Variants in LARGE1 observed in about 807,000 individuals in gnomAD.
The protein encoded by LARGE1 is LARGE xylosyl- and glucuronyltransferase 1.
LARGE1 carries 43 observed loss-of-function variants against 87.6 expected under a neutral mutation model. The observed-to-expected ratio is 0.49, with a 90% CI of 0.38 to 0.63. LARGE1 has a LOEUF of 0.63. LARGE1 is among the 30% of genes least tolerant of loss of function. The pLI is 0.00. For missense variants in LARGE1, 802 were observed against 1,000.2 expected (o/e 0.80, Z 2.67); for synonymous variants, 434 against 394.6 (o/e 1.10, Z -1.18).
At chr22:33,249,609 T>C (rs550548829) in intron 11 of LARGE1, among the ~76,000 whole-genome samples, 1 of 152,314 alleles carries the variant, frequency 6.6e-6, no homozygotes, top group Admixed American at 6.5e-5. Flanking sequence ...CTAAAAGTCA[T>C]TACTATACCC....
intron 11 of LARGE1, among the ~76,000 whole-genome samples, chr22:33,227,806 G>C (rs181884052): frequency 1.7e-4 from 26 of 152,252 alleles, no homozygotes; most frequent in Admixed American, 7.2e-4. Context: ...AATTTGTCAT[G>C]GTTCTAATTA....
At chr22:33,330,859 T>C (rs558134727) in intron 10 of LARGE1, among the ~76,000 whole-genome samples, 119 of 152,286 alleles carry the variant, frequency 7.8e-4, no homozygotes, top group African/African-American at 2.3e-3. Flanking sequence ...TATTTTTATT[T>C]TGGCAGCAAG....
At chr22:33,092,301 A>C in the LARGE1 span, among the ~76,000 whole-genome samples, 2 of 151,348 alleles carry the variant, frequency 1.3e-5, no homozygotes, top group Non-Finnish European at 2.9e-5. Flanking sequence ...GAGAAATTTC[A>C]TTGGCTGCAG....
chr22:33,907,569 CT>C (rs34936785), intron 1 of LARGE1, among the ~76,000 whole-genome samples: 106 of 145,938 alleles, frequency 7.3e-4, no homozygotes, highest in Non-Finnish European at 6.7e-4. Flanking sequence ...GAAGACATTT[CT>C]TTTTTTTTTT....
Position 33,684,705 on chromosome 22 carries a change from A to C in LARGE1, c.107-34037T>G, listed in dbSNP as rs189490389. Among the ~76,000 whole-genome samples the C allele has an allele frequency of 3.2e-3, 489 of 152,282 alleles. 2 individuals carry two copies. The highest frequency in any genetic ancestry group is 3.8e-3 in the Non-Finnish European group (261 of 68,018). On this transcript the variant is annotated intron_variant, in intron 2 of 14. Transcript: ENST00000397394. ...CGCCAAGCCAGCCAGGGTGGAGCTA[A>C]GAAGCTGAGAACTCATTCTAAAGCT...
intron 1 of LARGE1, among the ~76,000 whole-genome samples, chr22:33,816,995 G>A (rs1247516092): frequency 6.6e-6 from 1 of 151,992 alleles, no homozygotes; most frequent in Non-Finnish European, 1.5e-5. Context: ...GGGAAGTCGG[G>A]GTGGAGGGGT....
At chr22:33,444,236 G>A (rs2067601382) in intron 6 of LARGE1, among the ~76,000 whole-genome samples, 2 of 152,170 alleles carry the variant, frequency 1.3e-5, no homozygotes, top group Admixed American at 1.3e-4. Flanking sequence ...GTGGATAACA[G>A]TAAAACTCAT....
downstream of LARGE1, among the ~76,000 whole-genome samples, chr22:33,269,873 C>T (rs567745325): frequency 8.6e-5 from 13 of 151,738 alleles, no homozygotes; most frequent in East Asian, 1.9e-4. Context: ...GGCGTGGTGG[C>T]GGGCGCCTGT....
chr22:33,501,873 A>C (rs1260259178), intron 6 of LARGE1, among the ~76,000 whole-genome samples: 1 of 152,210 alleles, frequency 6.6e-6, no homozygotes, highest in African/African-American at 2.4e-5. Context: ...ATGAAGGGGA[A>C]ACACAGGTGC....
At chr22:33,492,773 GAAAAC>G (rs753922949) in intron 6 of LARGE1, among the ~76,000 whole-genome samples, 3 of 152,136 alleles carry the variant, frequency 2.0e-5, no homozygotes, top group Non-Finnish European at 2.9e-5. Flanking sequence ...TGTGCTAACT[GAAAAC>G]AAAACAAAAC....
intron 6 of LARGE1, among the ~76,000 whole-genome samples, chr22:33,504,540 G>A (rs1282444132): frequency 2.6e-5 from 4 of 152,190 alleles, no homozygotes; most frequent in African/African-American, 4.8e-5. Context: ...GATTACAGGC[G>A]TGAGCCATTG....
intron 1 of LARGE1, among the ~76,000 whole-genome samples, chr22:33,883,352 G>A (rs114104035): frequency 1.4e-4 from 21 of 152,318 alleles, no homozygotes; most frequent in African/African-American, 5.1e-4. Context: ...CATAGAGAAT[G>A]TAAGCAGCAG....
chr22:33,872,906 A>C (rs2064340212), intron 1 of LARGE1, among the ~76,000 whole-genome samples: 1 of 152,204 alleles, frequency 6.6e-6, no homozygotes, highest in Non-Finnish European at 1.5e-5. Context: ...AGGCTGAGGC[A>C]GGAGAATTGC....
intron 5 of LARGE1, among the ~76,000 whole-genome samples, chr22:33,576,341 A>G (rs2078351627): frequency 6.6e-6 from 1 of 152,156 alleles, no homozygotes; most frequent in Admixed American, 6.5e-5. Context: ...TCTAAGTGTA[A>G]AGCTCTGTGC....
intron 1 of LARGE1, among the ~76,000 whole-genome samples, chr22:33,795,925 C>T (rs2085965824): frequency 6.6e-6 from 1 of 150,950 alleles, no homozygotes; most frequent in Admixed American, 6.6e-5. Context: ...GTGCAGCACA[C>T]CAAAATGGCA....
chr22:33,090,747 G>A, the LARGE1 span, among the ~76,000 whole-genome samples: 1 of 152,178 alleles, frequency 6.6e-6, no homozygotes, highest in Non-Finnish European at 1.5e-5. Context: ...TCTGATTTAG[G>A]CAGTGACGGT....
intron 6 of LARGE1, among the ~76,000 whole-genome samples, chr22:33,505,119 C>T (rs1183263754): frequency 2.6e-5 from 4 of 152,222 alleles, no homozygotes; most frequent in African/African-American, 9.6e-5. Context: ...TACACAGTCT[C>T]GTGAGCACTG....
At chr22:33,859,112 C>G (rs927872290) in intron 1 of LARGE1, among the ~76,000 whole-genome samples, 10 of 152,038 alleles carry the variant, frequency 6.6e-5, no homozygotes, top group Admixed American at 2.0e-4. Context: ...ATGGGTGCAG[C>G]AAACCACCAT....
chr22:33,490,346 T>G (rs1217281870), intron 6 of LARGE1, among the ~76,000 whole-genome samples: 2 of 152,336 alleles, frequency 1.3e-5, no homozygotes, highest in African/African-American at 2.4e-5. Context: ...CATTTTGTCC[T>G]TATTTTCTTT....
Sources: allele counts gnomAD v4.1 joint callset (sites outside exome capture counted in the v4.1 genomes callset), GRCh38; gene constraint gnomAD v4.1.1; transcripts MANE v1.5; gene names NCBI Gene and HGNC (gene_info 2026-07-23, HGNC 2026-07-21).